The following CELF1 variants were observed in gnomAD, a reference collection of about 807,000 sequenced individuals.
The protein encoded by CELF1 is 50 kDa nuclear polyadenylated RNA-binding protein.
Under a neutral mutation model 61.8 loss-of-function variants are expected in CELF1, and 10 were observed. The observed-to-expected ratio is 0.16, with a 90% CI of 0.10 to 0.27. CELF1 has a LOEUF of 0.27. CELF1 is among the 10% of genes least tolerant of loss of function. The pLI, the probability that CELF1 is intolerant of heterozygous loss-of-function variation, is 1.00. For synonymous variants in CELF1, 236 were observed against 225.1 expected (o/e 1.05, Z -0.43); for missense variants, 380 against 639.1 (o/e 0.59, Z 4.37).
At chr11:47,491,327 T>C (rs1222257394) in intron 3 of CELF1, among the ~76,000 whole-genome samples, 2 of 152,110 alleles carry the variant, frequency 1.3e-5, no homozygotes, top group Non-Finnish European at 2.9e-5. Context: ...CATGCCTGGC[T>C]AATTTTTGTA....
chr11:47,565,028 TG>T (rs1184433629), intron 1 of CELF1, among the ~76,000 whole-genome samples: 1 of 152,146 alleles, frequency 6.6e-6, no homozygotes, highest in Non-Finnish European at 1.5e-5. Context: ...CCAGGACCCC[TG>T]TTCACCCTGG....
At chr11:47,474,634 G>C (rs979378174) in intron 13 of CELF1, among the ~76,000 whole-genome samples, 3 of 152,236 alleles carry the variant, frequency 2.0e-5, no homozygotes, top group African/African-American at 7.2e-5. Flanking sequence ...GGTGAGGAGA[G>C]ATGAACCAGG....
chr11:47,476,533 C>G lies in CELF1; in HGVS notation c.1087+313G>C, dbSNP rs552823463. Among the ~76,000 whole-genome samples, 14 of 151,986 alleles carry G rather than the reference C, an allele frequency of 9.2e-5. No individual in the cohort carries two copies. In the South Asian group the frequency reaches 2.9e-3, roughly 32 times the overall value. ...TTCTGCCTCCCCGGTTCATGCCATT[C>G]TCCTGCCTCAGCCTCCCAAGTAGCT... is the stretch of plus-strand genomic sequence containing the variant. On this transcript the variant is annotated intron_variant, in intron 12 of 14. Coordinates refer to ENST00000687097, the MANE Select transcript of CELF1 (RefSeq NM_001376376.1).
In CELF1 at chr11:47,475,340, C is replaced by A; in HGVS notation, c.1269G>T (p.Lys423Asn). The change falls in exon 13 of 15, where the codon AAG becomes AAT. Residue 423 changes from lysine to asparagine, a missense_variant. Lys to Asn is a moderately conservative substitution (Grantham distance 94). Coordinates refer to ENST00000687097, the MANE Select transcript of CELF1 (RefSeq NM_001376376.1). ...CCGATCTCCCTTTGCACTCACCTTC[C>A]TTCTGGCTTCCAGCAGCACCAATAC... Reference protein sequence around the residue: ...QQSIGAAGSQKEGPEGANLFI... With the variant: ...QQSIGAAGSQNEGPEGANLFI... 1 of 1,613,594 alleles carries A rather than the reference C, an allele frequency of 6.2e-7. No homozygotes were observed. Among genetic ancestry groups the A allele is most frequent in the Non-Finnish European group, 8.5e-7 (1 of 1,180,014 alleles).
chr11:47,503,819 ATC>A (rs1237486775), intron 1 of CELF1, among the ~76,000 whole-genome samples: 2 of 152,212 alleles, frequency 1.3e-5, no homozygotes, highest in African/African-American at 4.8e-5. Context: ...ACTGGTAATT[ATC>A]TCTGTGGCAT....
At chr11:47,486,177 T>TC (rs1429121700) in intron 6 of CELF1, among the ~76,000 whole-genome samples, 1 of 144,156 alleles carries the variant, frequency 6.9e-6, no homozygotes, top group African/African-American at 2.6e-5. Context: ...AAAAAAAAAT[T>TC]CGAGAATTAA....
intron 1 of CELF1, among the ~76,000 whole-genome samples, chr11:47,537,899 GTTTTCTTTTTTTTC>G (rs1275142853): frequency 2.0e-5 from 3 of 149,744 alleles, no homozygotes; most frequent in South Asian, 2.1e-4. Flanking sequence ...TAATCATTTT[GTTTTCTTTTTTTTC>G]TTTTCTTTTT....
chr11:47,533,933 T>A (rs1441415238), intron 1 of CELF1, among the ~76,000 whole-genome samples: 1 of 150,990 alleles, frequency 6.6e-6, no homozygotes, highest in Non-Finnish European at 1.5e-5. Context: ...GCTACATCAA[T>A]ATAAACTCAA....
chr11:47,520,972 C>G (rs756392776), intron 1 of CELF1, among the ~76,000 whole-genome samples: 3 of 152,200 alleles, frequency 2.0e-5, no homozygotes, highest in African/African-American at 7.2e-5. Context: ...AACTAGAGGG[C>G]CGGGCGTGGT....
At position 47,475,514 on chromosome 11, in the gene CELF1, A is replaced by T; in HGVS notation, c.1095T>A (p.Ala365=). Residue 365 remains alanine (A), a synonymous_variant, in exon 13 of 15, where the codon GCT becomes GCA. Transcript: ENST00000687097. ...GLNVGSLAGM[A]ALNGGLGSSG... The stretch of plus-strand genomic sequence containing the variant: ...TGCTGCCCAGGCCACCATTTAAAGC[A>T]GCCATTCCTTGGTTGGAGGAAGAGA... 1 of 1,613,934 alleles carries T rather than the reference A, an allele frequency of 6.2e-7. No individual in the cohort carries two copies. Among genetic ancestry groups the T allele is most frequent in the Non-Finnish European group, 8.5e-7 (1 of 1,179,980 alleles).
intron 3 of CELF1, chr11:47,495,878 C>T (rs1227361110): frequency 1.2e-5 from 6 of 496,030 alleles, no homozygotes; most frequent in Non-Finnish European, 1.6e-5. Context: ...TTTTTTCACT[C>T]CCCCTTTCTC....
intron 1 of CELF1, among the ~76,000 whole-genome samples, chr11:47,509,343 T>C (rs976203624): frequency 2.0e-5 from 3 of 152,132 alleles, no homozygotes; most frequent in Non-Finnish European, 4.4e-5. Context: ...CCTTTCTCTA[T>C]CACAATGCAA....
At chr11:47,475,779 C>T (rs2079790083) in intron 12 of CELF1, among the ~76,000 whole-genome samples, 1 of 152,100 alleles carries the variant, frequency 6.6e-6, no homozygotes, top group South Asian at 2.1e-4. Context: ...GGAATGAGAG[C>T]CTCCATTTTC....
At chr11:47,475,269 C>A in intron 13 of CELF1, 67 bp downstream of exon 13, 2 of 1,502,592 alleles carry the variant, frequency 1.3e-6, no homozygotes, top group Non-Finnish European at 1.8e-6. Context: ...CTTTGCTCTG[C>A]CTTTCCGTTC....
chr11:47,495,059 G>T (rs1044201281), intron 3 of CELF1, among the ~76,000 whole-genome samples: 1 of 152,172 alleles, frequency 6.6e-6, no homozygotes, highest in East Asian at 1.9e-4. Flanking sequence ...CTGCGATACA[G>T]AATATTTTCA....
At chr11:47,493,642 A>G (rs1326298662) in intron 3 of CELF1, among the ~76,000 whole-genome samples, 2 of 151,998 alleles carry the variant, frequency 1.3e-5, no homozygotes, top group Non-Finnish European at 2.9e-5. Flanking sequence ...GTATTTGTTC[A>G]GTCTAGTAAT....
At chr11:47,473,306 T>G in intron 13 of CELF1, 75 bp from the exon 14 acceptor site, 1 of 1,366,370 alleles carries the variant, frequency 7.3e-7, no homozygotes. Flanking sequence ...ATCTTTCATT[T>G]CCACCTATGT....
At chr11:47,552,261 T>G (rs2097157789) in intron 1 of CELF1, among the ~76,000 whole-genome samples, 1 of 152,216 alleles carries the variant, frequency 6.6e-6, no homozygotes, top group Non-Finnish European at 1.5e-5. Context: ...AGAAGCTCCT[T>G]GGTGCATGTG....
Position 47,473,181 on chromosome 11 carries a change from C to T in CELF1, c.1324G>A (p.Asp442Asn), listed in dbSNP as rs968343341. The change falls in exon 14 of 15, where the codon GAT becomes AAT. Residue 442 changes from aspartate to asparagine, a missense_variant. Asp to Asn is a conservative substitution (Grantham distance 23). Coordinates refer to ENST00000687097, the MANE Select transcript of CELF1 (RefSeq NM_001376376.1). ...ATAAACATCTGCAGCAGGTCCTGAT[C>T]ACCAAACTCCTGGGGCAGGTGGTAG... ...FIYHLPQEFG[D>N]QDLLQMFMPF... 5 of 1,614,068 alleles carry T rather than the reference C, an allele frequency of 3.1e-6. No homozygotes were observed. Among genetic ancestry groups the T allele is most frequent in the African/African-American group, 1.3e-5 (1 of 74,914 alleles).
Sources: allele counts gnomAD v4.1 joint callset (sites outside exome capture counted in the v4.1 genomes callset), GRCh38; gene constraint gnomAD v4.1.1; transcripts MANE v1.5; gene names NCBI Gene and HGNC (gene_info 2026-07-23, HGNC 2026-07-21).